PDE11A: variants seen among roughly 807,000 people sequenced by gnomAD.
The protein encoded by PDE11A is phosphodiesterase 11A, also known as dual 3',5'-cyclic-AMP and -GMP phosphodiesterase 11A.
Under a neutral mutation model 100.5 loss-of-function variants are expected in PDE11A, and 100 were observed. The ratio of observed to expected loss-of-function variants is 1.00; its 90% CI spans 0.85 to 1.18. The LOEUF (loss-of-function observed/expected upper bound fraction) is 1.18, where lower values mean the gene tolerates loss of function less well. Among genes scored for constraint, PDE11A ranks in the 50% most tolerant of loss-of-function variants. The probability of loss-of-function intolerance (pLI) is 0.00; values close to 1 mark genes in which losing one functional copy is unlikely to be tolerated. For missense variants in PDE11A, 1,141 were observed against 1,152.6 expected (o/e 0.99, Z 0.15); for synonymous variants, 381 against 420.8 (o/e 0.91, Z 1.16).
chr2:177,887,810 T>C (rs969482949), intron 4 of PDE11A, among the ~76,000 whole-genome samples: 1 of 152,090 alleles, frequency 6.6e-6, no homozygotes, highest in East Asian at 1.9e-4. Context: ...AAGAGAGGGA[T>C]GTGAAAAGAA....
intron 2 of PDE11A, among the ~76,000 whole-genome samples, chr2:177,930,757 A>G (rs182337476): frequency 1.3e-5 from 2 of 152,352 alleles, no homozygotes; most frequent in African/African-American, 4.8e-5. Flanking sequence ...CACAAGGCCC[A>G]GGGTTGTTTT....
At chr2:177,778,254 C>G (rs975581121) in intron 9 of PDE11A, among the ~76,000 whole-genome samples, 1 of 152,252 alleles carries the variant, frequency 6.6e-6, no homozygotes. Flanking sequence ...AAATGCTTGT[C>G]TTGCAGCCCC....
At chr2:177,794,708 C>T (rs528020880) in intron 9 of PDE11A, among the ~76,000 whole-genome samples, 54 of 152,280 alleles carry the variant, frequency 3.5e-4, no homozygotes, top group African/African-American at 1.1e-3. Flanking sequence ...TACCCCTACA[C>T]CGACCCCCCA....
intron 15 of PDE11A, among the ~76,000 whole-genome samples, chr2:177,693,894 T>A (rs1003604877): frequency 2.0e-5 from 3 of 152,230 alleles, no homozygotes; most frequent in African/African-American, 7.2e-5. Context: ...ATTGCACATT[T>A]ATTAAATAAA....
At chr2:177,821,934 G>C (rs889735770) in intron 6 of PDE11A, among the ~76,000 whole-genome samples, 3 of 151,568 alleles carry the variant, frequency 2.0e-5, no homozygotes, top group African/African-American at 7.3e-5. Context: ...TGTCCTGTTG[G>C]GTTGTCTGAT....
intron 4 of PDE11A, among the ~76,000 whole-genome samples, chr2:177,892,696 C>T (rs576386846): frequency 6.6e-6 from 1 of 152,332 alleles, no homozygotes; most frequent in South Asian, 2.1e-4. Flanking sequence ...CACCTGCTCA[C>T]CCAGACTGGC....
intron 1 of PDE11A, among the ~76,000 whole-genome samples, chr2:178,057,836 A>G (rs1438221649): frequency 6.6e-6 from 1 of 152,148 alleles, no homozygotes; most frequent in Non-Finnish European, 1.5e-5. Flanking sequence ...CTCTTGGCCT[A>G]CAAGTGCCCT....
intron 9 of PDE11A, among the ~76,000 whole-genome samples, chr2:177,785,356 A>C (rs2105524241): frequency 6.6e-6 from 1 of 151,430 alleles, no homozygotes; most frequent in African/African-American, 2.4e-5. Context: ...TGGGCAATCA[A>C]ATAGCAAGTT....
At chr2:177,786,917 G>T (rs1330266294) in intron 9 of PDE11A, among the ~76,000 whole-genome samples, 3 of 151,624 alleles carry the variant, frequency 2.0e-5, no homozygotes, top group Non-Finnish European at 4.4e-5. Flanking sequence ...TCTGATCGGT[G>T]TACCTGAAAG....
At chr2:178,033,775 A>G (rs1316724392) in intron 1 of PDE11A, among the ~76,000 whole-genome samples, 1 of 152,204 alleles carries the variant, frequency 6.6e-6, no homozygotes, top group Non-Finnish European at 1.5e-5. Context: ...AAAGTTTTCA[A>G]CCCAGAATTT....
chr2:177,801,799 CA>C (rs761136006), intron 9 of PDE11A, among the ~76,000 whole-genome samples: 10 of 151,820 alleles, frequency 6.6e-5, no homozygotes, highest in Non-Finnish European at 1.3e-4. Context: ...TGTGGGTAGG[CA>C]AAGGTTTCTT....
chr2:178,088,822 T>C (rs904699389), intron 2 of PDE11A, among the ~76,000 whole-genome samples: 5 of 152,240 alleles, frequency 3.3e-5, no homozygotes, highest in African/African-American at 1.2e-4. Context: ...TTCATCATGA[T>C]AGAAATCTGT....
At chr2:178,081,901 C>T (rs1055916686) in intron 2 of PDE11A, among the ~76,000 whole-genome samples, 1 of 152,228 alleles carries the variant, frequency 6.6e-6, no homozygotes, top group Non-Finnish European at 1.5e-5. Context: ...AGAACTCATA[C>T]TTTAAATATG....
intron 13 of PDE11A, 49 bp from the exon 14 acceptor site, chr2:177,701,260 C>G (rs769640622): frequency 1.1e-6 from 1 of 903,718 alleles, no homozygotes; most frequent in Admixed American, 1.7e-5. Context: ...ATGGTTCCCC[C>G]ACACCAGCTT....
At chr2:177,671,396 G>A (rs996243190) in intron 17 of PDE11A, among the ~76,000 whole-genome samples, 5 of 152,074 alleles carry the variant, frequency 3.3e-5, no homozygotes, top group Admixed American at 1.3e-4. Context: ...GGCCTTGGGG[G>A]AATCACTGGG....
At chr2:177,815,926 G>A (rs908146342) in intron 9 of PDE11A, among the ~76,000 whole-genome samples, 1 of 152,114 alleles carries the variant, frequency 6.6e-6, no homozygotes, top group Non-Finnish European at 1.5e-5. Context: ...AATCTACAGA[G>A]CAGGCCAGGT....
chr2:178,018,098 AG>A (rs2086361609), intron 1 of PDE11A: 1 of 219,676 alleles, frequency 4.6e-6, no homozygotes. Context: ...GCACATCCCT[AG>A]GGCCAACCTA....
At chr2:177,658,434 T>C (rs1399168328) in intron 19 of PDE11A, among the ~76,000 whole-genome samples, 2 of 151,970 alleles carry the variant, frequency 1.3e-5, no homozygotes, top group Non-Finnish European at 2.9e-5. Context: ...TCCTTGCTTC[T>C]GTCTTTCCTT....
intron 19 of PDE11A, among the ~76,000 whole-genome samples, chr2:177,643,740 C>T (rs973689908): frequency 6.6e-6 from 1 of 152,240 alleles, no homozygotes; most frequent in African/African-American, 2.4e-5. Flanking sequence ...CCTCCCATCA[C>T]AGGCCCAGAG....
Sources: allele counts gnomAD v4.1 joint callset (sites outside exome capture counted in the v4.1 genomes callset), GRCh38; gene constraint gnomAD v4.1.1; transcripts MANE v1.5; gene names NCBI Gene and HGNC (gene_info 2026-07-23, HGNC 2026-07-21).